The following DCLK2 variants were observed in gnomAD, a reference collection of about 807,000 sequenced individuals.
DCLK2 encodes the protein serine/threonine-protein kinase DCLK2.
DCLK2 carries 31 observed loss-of-function variants against 78.4 expected under a neutral mutation model. That is an observed-to-expected ratio of 0.40 (90% confidence interval 0.30 to 0.53). The LOEUF (loss-of-function observed/expected upper bound fraction) is 0.53. DCLK2 is among the 20% of genes least tolerant of loss of function. The probability of loss-of-function intolerance (pLI) is 0.61; values close to 1 mark genes in which losing one functional copy is unlikely to be tolerated. For missense variants in DCLK2, 872 were observed against 973.7 expected, an observed-to-expected ratio of 0.90 and a Z score of 1.39; for synonymous variants, 407 against 374.9, an observed-to-expected ratio of 1.09 and a Z score of -0.99.
At chr4:150,122,688 C>T (rs1381860157) in intron 2 of DCLK2, among the ~76,000 whole-genome samples, 2 of 152,160 alleles carry the variant, frequency 1.3e-5, no homozygotes, top group Non-Finnish European at 2.9e-5. Flanking sequence ...ACCACCATAG[C>T]ACGTGTATAC....
intron 4 of DCLK2, among the ~76,000 whole-genome samples, chr4:150,202,997 T>C (rs1487695365): frequency 6.6e-6 from 1 of 152,202 alleles, no homozygotes; most frequent in Non-Finnish European, 1.5e-5. Context: ...TTTTCAGTTA[T>C]TTTTTAAATT....
At chr4:150,220,277 G>A (rs1199433500) in intron 5 of DCLK2, among the ~76,000 whole-genome samples, 1 of 152,250 alleles carries the variant, frequency 6.6e-6, no homozygotes, top group Middle Eastern at 3.4e-3. Context: ...TTGAAAAATT[G>A]CAGTTGTCCA....
chr4:150,212,138 G>A (rs1175488665), intron 5 of DCLK2, among the ~76,000 whole-genome samples: 1 of 152,202 alleles, frequency 6.6e-6, no homozygotes, highest in African/African-American at 2.4e-5. Flanking sequence ...GCTCTCTGCT[G>A]TGAGCATTCT....
Position 150,220,768 on chromosome 4 carries a change from A to T in DCLK2, c.1122A>T (p.Ile374=). 1 of 1,613,410 alleles carries T rather than the reference A, an allele frequency of 6.2e-7. No homozygotes were observed. Among genetic ancestry groups the T allele is most frequent in the South Asian group, 1.1e-5 (1 of 90,938 alleles). Residue 374 remains isoleucine, a synonymous_variant, in exon 6 of 16, where the codon ATA becomes ATT. Transcript: ENST00000296550. ...VNGGPELDRC[I]SPEGVNGNRC... is the part of the protein sequence containing the mutation. ...GTGGACCTGAGCTTGACCGTTGCATAAGTCCTGAAGGTAGTTCTCAGTCTG... is the reference window on the plus strand; with the variant it reads ...GTGGACCTGAGCTTGACCGTTGCATTAGTCCTGAAGGTAGTTCTCAGTCTG...
rs1241669239 is a variant in DCLK2 at position 150,179,695 on chromosome 4, A to G, written c.757-13443A>G. ...GTCATAATATTATTAATACATATTT[A>G]TACCCTTAGAATTCCCAGTTTGTCA... On this transcript the variant is annotated intron_variant, in intron 2 of 15. Transcript: ENST00000296550. 2.6e-5 allele frequency among the ~76,000 whole-genome samples: 4 copies of G among 152,342 alleles called. No homozygotes were observed. The East Asian group carries it at 7.7e-4, about 29-fold the overall frequency.
intron 2 of DCLK2, among the ~76,000 whole-genome samples, chr4:150,116,675 C>CT (rs1732117625): frequency 6.6e-6 from 1 of 152,192 alleles, no homozygotes; most frequent in Non-Finnish European, 1.5e-5. Context: ...GACATAGACT[C>CT]TAAGATTCCT....
intron 2 of DCLK2, among the ~76,000 whole-genome samples, chr4:150,125,334 A>G (rs1050327200): frequency 6.6e-6 from 1 of 152,070 alleles, no homozygotes; most frequent in African/African-American, 2.4e-5. Context: ...ATTTTCCAGA[A>G]TATGTTATGT....
chr4:150,148,233 A>T (rs1426452275), intron 2 of DCLK2, among the ~76,000 whole-genome samples: 7 of 152,076 alleles, frequency 4.6e-5, no homozygotes, highest in African/African-American at 7.2e-5. Context: ...ACGTTGTGGC[A>T]TGCACCTGTA....
chr4:150,209,518 T>C (rs1210288049), intron 5 of DCLK2, among the ~76,000 whole-genome samples: 6 of 152,248 alleles, frequency 3.9e-5, no homozygotes, highest in Non-Finnish European at 7.3e-5. Flanking sequence ...CGAGCTATTC[T>C]AGTTAAGCTA....
At chr4:150,189,170 A>C (rs562470926) in intron 2 of DCLK2, among the ~76,000 whole-genome samples, 1 of 152,264 alleles carries the variant, frequency 6.6e-6, no homozygotes, top group Non-Finnish European at 1.5e-5. Context: ...ATGCTAAATT[A>C]ATTGCAAAAA....
chr4:150,244,487 A>G (rs1743156968), intron 12 of DCLK2, among the ~76,000 whole-genome samples: 1 of 152,240 alleles, frequency 6.6e-6, no homozygotes, highest in South Asian at 2.1e-4. Flanking sequence ...TTTCTGAATT[A>G]TAATGCTTTG....
At chr4:150,155,441 G>A (rs1006983412) in intron 2 of DCLK2, among the ~76,000 whole-genome samples, 9 of 152,160 alleles carry the variant, frequency 5.9e-5, no homozygotes, top group African/African-American at 1.4e-4. Flanking sequence ...CAAGAGGTTC[G>A]GTTTTTGTAT....
At chr4:150,219,621 A>G (rs1430472935) in intron 5 of DCLK2, among the ~76,000 whole-genome samples, 2 of 152,224 alleles carry the variant, frequency 1.3e-5, no homozygotes, top group Non-Finnish European at 2.9e-5. Flanking sequence ...AGGCACTGAT[A>G]AACTAATATT....
At chr4:150,208,638 G>A (rs992152407) in intron 5 of DCLK2, among the ~76,000 whole-genome samples, 2 of 152,020 alleles carry the variant, frequency 1.3e-5, no homozygotes, top group East Asian at 3.9e-4. Flanking sequence ...AGGAAATCCT[G>A]GGGTTAGGGA....
At chr4:150,157,058 C>T (rs1735333410) in intron 2 of DCLK2, among the ~76,000 whole-genome samples, 1 of 151,900 alleles carries the variant, frequency 6.6e-6, no homozygotes, top group Admixed American at 6.6e-5. Flanking sequence ...GCTTGAACCA[C>T]TGCGCACAGC....
At chr4:150,121,070 TAA>T (rs374179742) in intron 2 of DCLK2, among the ~76,000 whole-genome samples, 11 of 149,104 alleles carry the variant, frequency 7.4e-5, no homozygotes, top group Middle Eastern at 3.4e-3. Context: ...AAACTTTGTC[TAA>T]AAAAAAAATA....
chr4:150,227,730 C>T (rs1241606010), intron 8 of DCLK2, among the ~76,000 whole-genome samples: 2 of 152,184 alleles, frequency 1.3e-5, no homozygotes, highest in East Asian at 3.8e-4. Flanking sequence ...ATTGAATTCC[C>T]ACAGTGTACA....
intron 15 of DCLK2, among the ~76,000 whole-genome samples, chr4:150,255,582 G>A (rs1744499209): frequency 6.6e-6 from 1 of 152,268 alleles, no homozygotes; most frequent in Non-Finnish European, 1.5e-5. Context: ...TTGTTAGGAG[G>A]ATTAATTATT....
At chr4:150,233,165 G>T (rs956158085) in intron 10 of DCLK2, among the ~76,000 whole-genome samples, 2 of 152,182 alleles carry the variant, frequency 1.3e-5, no homozygotes, top group Non-Finnish European at 2.9e-5. Flanking sequence ...GAAGGCGAAG[G>T]GGAAGCAAGC....
Sources: gnomAD v4.1 joint callset for allele counts (sites outside exome capture counted in the v4.1 genomes callset) on GRCh38, gnomAD v4.1.1 for gene constraint, MANE v1.5 for transcripts, NCBI Gene and HGNC (gene_info 2026-07-23, HGNC 2026-07-21) for gene names.